DGLUCY: variants seen among roughly 807,000 people sequenced by gnomAD.
DGLUCY encodes D-glutamate cyclase, mitochondrial.
DGLUCY carries 58 observed loss-of-function variants against 58.5 expected under a neutral mutation model. The observed-to-expected ratio is 0.99, with a 90% CI of 0.80 to 1.23. The LOEUF (loss-of-function observed/expected upper bound fraction) is 1.23, where lower values mean the gene tolerates loss of function less well. DGLUCY is among the 50% of genes most tolerant of loss of function. The probability of loss-of-function intolerance (pLI) is 0.00; values close to 1 mark genes in which losing one functional copy is unlikely to be tolerated. For synonymous variants in DGLUCY, 325 were observed against 314.1 expected, an observed-to-expected ratio of 1.03 and a Z score of -0.37; for missense variants, 779 against 784.7, an observed-to-expected ratio of 0.99 and a Z score of 0.09.
intron 1 of DGLUCY, among the ~76,000 whole-genome samples, chr14:91,139,878 A>G (rs980383008): frequency 4.6e-5 from 7 of 152,152 alleles, no homozygotes; most frequent in South Asian, 2.1e-4. Flanking sequence ...GATTTTGAGG[A>G]CTTCAGGATT....
At chr14:91,218,466 AATCTC>A (rs1886932082) in intron 13 of DGLUCY, among the ~76,000 whole-genome samples, 1 of 151,486 alleles carries the variant, frequency 6.6e-6, no homozygotes, top group Non-Finnish European at 1.5e-5. Flanking sequence ...GCAGTGGAGA[AATCTC>A]AGCTCACTGC....
At chr14:91,155,168 G>A (rs975157320) in intron 1 of DGLUCY, among the ~76,000 whole-genome samples, 3 of 152,196 alleles carry the variant, frequency 2.0e-5, no homozygotes, top group African/African-American at 4.8e-5. Flanking sequence ...AGACAGACAC[G>A]ATGGTAGATG....
At chr14:91,125,530 G>T (rs2045621986) in intron 1 of DGLUCY, 1 of 152,246 alleles carries the variant, frequency 6.6e-6, no homozygotes, top group Non-Finnish European at 1.5e-5. Context: ...TTTCTTCTCT[G>T]TTGGCTTCCT....
At chr14:91,112,012 C>T (rs1286371402), upstream of DGLUCY, among the ~76,000 whole-genome samples, 2 of 151,548 alleles carry the variant, frequency 1.3e-5, no homozygotes, top group African/African-American at 2.4e-5. Context: ...CTGAGGCAGG[C>T]GGATCACCTG....
chr14:91,163,659 C>T (rs2048116653), intron 3 of DGLUCY, among the ~76,000 whole-genome samples: 1 of 152,190 alleles, frequency 6.6e-6, no homozygotes, highest in African/African-American at 2.4e-5. Context: ...GCAGAGGCCA[C>T]TCCGTGATGA....
chr14:91,199,666 C>T (rs755451899), intron 10 of DGLUCY, 91 bp from the exon 11 acceptor site: 36 of 1,413,724 alleles, frequency 2.5e-5, no homozygotes, highest in South Asian at 6.5e-5. Flanking sequence ...AAAAAAGAAG[C>T]GTCTTTCGCG....
chr14:91,150,447 T>G (rs2047261440), intron 1 of DGLUCY, among the ~76,000 whole-genome samples: 1 of 152,012 alleles, frequency 6.6e-6, no homozygotes, highest in East Asian at 1.9e-4. Context: ...TTAATGTGAA[T>G]GTTTCTTTTT....
At chr14:91,103,671 C>G (rs1052566031), upstream of DGLUCY, among the ~76,000 whole-genome samples, 10 of 152,168 alleles carry the variant, frequency 6.6e-5, no homozygotes, top group African/African-American at 2.2e-4. Flanking sequence ...CTGTCTTTCT[C>G]TCTTTATATA....
chr14:91,126,870 C>G (rs572148811), intron 1 of DGLUCY, among the ~76,000 whole-genome samples: 1 of 152,146 alleles, frequency 6.6e-6, no homozygotes, highest in East Asian at 1.9e-4. Context: ...GGGCCACATT[C>G]CACCCCCTGT....
chr14:91,150,218 C>CA (rs71120121), intron 1 of DGLUCY, among the ~76,000 whole-genome samples: 10,631 of 64,678 alleles, frequency 0.16, 1,047 homozygotes, highest in African/African-American at 0.26. Flanking sequence ...GACTCCATCT[C>CA]AAAAAAAAAA....
At chr14:91,067,540 AAT>A (rs1457442993) in intron 1 of DGLUCY, among the ~76,000 whole-genome samples, 1 of 151,966 alleles carries the variant, frequency 6.6e-6, no homozygotes, top group Non-Finnish European at 1.5e-5. Context: ...CTACATTACC[AAT>A]ATCTTTTTTT....
intron 9 of DGLUCY, among the ~76,000 whole-genome samples, chr14:91,191,205 A>T (rs11159995): frequency 2.0e-5 from 3 of 152,050 alleles, no homozygotes; most frequent in Admixed American, 1.3e-4. Flanking sequence ...AGATTAAGCC[A>T]GTCATATTGT....
At chr14:91,104,175 G>C (rs1171844496), upstream of DGLUCY, among the ~76,000 whole-genome samples, 1 of 146,682 alleles carries the variant, frequency 6.8e-6, no homozygotes. Context: ...CCATTCTCCT[G>C]CCTCAGCCTC....
intron 13 of DGLUCY, chr14:91,220,666 G>A (rs1005365248): frequency 2.6e-5 from 12 of 456,040 alleles, no homozygotes; most frequent in African/African-American, 1.0e-4. Context: ...TCCCCAGCCC[G>A]GTCCAGGCAG....
chr14:91,188,987 G>A lies in DGLUCY; in HGVS notation c.1012G>A (p.Val338Met). 1 of 1,614,192 alleles carries A rather than the reference G, an allele frequency of 6.2e-7. No homozygotes were observed. Among genetic ancestry groups the A allele is most frequent in the Non-Finnish European group, 8.5e-7 (1 of 1,180,028 alleles). ...ASLSLSHARSVLITTGFPTHF... is the reference protein window; with the variant it reads ...ASLSLSHARSMLITTGFPTHF... ...TCTCTCGCTGTCCCATGCCCGCTCA[G>A]TGCTCATCACCACTGGGTTCCCCAC... The change falls in exon 9 of 14, where the codon GTG becomes ATG. Residue 338 changes from valine to methionine, a missense_variant. Transcript: ENST00000256324.
At chr14:91,159,649 A>G (rs1331290586) in intron 2 of DGLUCY, among the ~76,000 whole-genome samples, 1 of 152,198 alleles carries the variant, frequency 6.6e-6, no homozygotes, top group Non-Finnish European at 1.5e-5. Context: ...CTGTGCCTAG[A>G]GTGGGGTTAG....
intron 12 of DGLUCY, among the ~76,000 whole-genome samples, chr14:91,206,505 C>T (rs1371282323): frequency 6.6e-6 from 1 of 152,112 alleles, no homozygotes; most frequent in Non-Finnish European, 1.5e-5. Flanking sequence ...GCCTCAGCCT[C>T]CTGAGTAGCT....
At chr14:91,213,953 A>G (rs966996598) in intron 12 of DGLUCY, among the ~76,000 whole-genome samples, 4 of 151,392 alleles carry the variant, frequency 2.6e-5, no homozygotes, top group East Asian at 1.9e-4. Flanking sequence ...GCCCATTTCA[A>G]CCTCCCAAAT....
At chr14:91,193,910 A>G (rs989289727) in intron 9 of DGLUCY, among the ~76,000 whole-genome samples, 11 of 151,446 alleles carry the variant, frequency 7.3e-5, no homozygotes, top group Non-Finnish European at 1.2e-4. Flanking sequence ...TGTCTTGAGC[A>G]TAGACAGACC....
Sources: allele counts gnomAD v4.1 joint callset (sites outside exome capture counted in the v4.1 genomes callset), GRCh38; gene constraint gnomAD v4.1.1; transcripts MANE v1.5; gene names NCBI Gene and HGNC (gene_info 2026-07-23, HGNC 2026-07-21).